Variants in THSD7B observed in about 807,000 individuals in gnomAD.
The protein encoded by THSD7B is thrombospondin type 1 domain containing 7B.
Under a neutral mutation model 213.6 loss-of-function variants are expected in THSD7B, and 138 were observed. The ratio of observed to expected loss-of-function variants is 0.65; its 90% confidence interval spans 0.56 to 0.74. The LOEUF is 0.74. Among genes scored for constraint, THSD7B ranks in the 30% least tolerant of loss-of-function variants. THSD7B has a pLI of 0.00. For missense variants in THSD7B, 1,931 were observed against 1,991.5 expected (o/e 0.97, Z 0.58); for synonymous variants, 742 against 687.0 (o/e 1.08, Z -1.25).
intron 14 of THSD7B, among the ~76,000 whole-genome samples, chr2:137,415,955 C>T (rs987677426): frequency 6.6e-6 from 1 of 151,868 alleles, no homozygotes; most frequent in Non-Finnish European, 1.5e-5. Context: ...TCCCTGCAGT[C>T]GATTATAAAG....
At chr2:136,963,555 G>C (rs1685261404) in intron 2 of THSD7B, among the ~76,000 whole-genome samples, 1 of 152,118 alleles carries the variant, frequency 6.6e-6, no homozygotes, top group Non-Finnish European at 1.5e-5. Flanking sequence ...GAGGCAGGAG[G>C]ATTGCCTGAG....
intron 14 of THSD7B, among the ~76,000 whole-genome samples, chr2:137,424,476 C>T (rs901992669): frequency 2.0e-5 from 3 of 152,028 alleles, no homozygotes; most frequent in Non-Finnish European, 2.9e-5. Flanking sequence ...ATGCAATAAT[C>T]CTCAACAAAA....
chr2:136,796,791 TTATC>T (rs1682073376), intron 1 of THSD7B, among the ~76,000 whole-genome samples: 1 of 151,966 alleles, frequency 6.6e-6, no homozygotes, highest in African/African-American at 2.4e-5. Flanking sequence ...AGTCATGAAT[TTATC>T]TTTCTCCTTA....
chr2:136,941,642 C>A (rs924806794), intron 2 of THSD7B, among the ~76,000 whole-genome samples: 1 of 152,184 alleles, frequency 6.6e-6, no homozygotes, highest in Non-Finnish European at 1.5e-5. Flanking sequence ...CTGTTGGCTG[C>A]ATAAATGTTT....
At chr2:137,590,143 A>G (rs1044622688) in intron 17 of THSD7B, among the ~76,000 whole-genome samples, 4 of 152,122 alleles carry the variant, frequency 2.6e-5, no homozygotes, top group African/African-American at 7.2e-5. Context: ...AGAACTCACA[A>G]TATTCTTTTG....
At chr2:137,076,105 T>C (rs1687616999) in intron 3 of THSD7B, among the ~76,000 whole-genome samples, 1 of 152,188 alleles carries the variant, frequency 6.6e-6, no homozygotes, top group Non-Finnish European at 1.5e-5. Flanking sequence ...CACTGCTCTC[T>C]TCAAAGCTGT....
intron 17 of THSD7B, among the ~76,000 whole-genome samples, chr2:137,602,802 A>G (rs1573737335): frequency 1.3e-5 from 2 of 152,104 alleles, no homozygotes; most frequent in East Asian, 3.9e-4. Flanking sequence ...CTCTCAACAC[A>G]GTTGCATTTG....
At chr2:136,973,802 G>A (rs562634780) in intron 2 of THSD7B, among the ~76,000 whole-genome samples, 5 of 152,314 alleles carry the variant, frequency 3.3e-5, no homozygotes, top group African/African-American at 1.2e-4. Flanking sequence ...GAACTCTGCT[G>A]TTTCGGAGAG....
At chr2:137,291,645 A>G (rs1045866274) in intron 12 of THSD7B, among the ~76,000 whole-genome samples, 1 of 152,188 alleles carries the variant, frequency 6.6e-6, no homozygotes, top group African/African-American at 2.4e-5. Context: ...GGAAAGGGGA[A>G]CTGTGCTTAT....
chr2:137,414,367 A>AG (rs1163529947), intron 14 of THSD7B, among the ~76,000 whole-genome samples: 2 of 152,028 alleles, frequency 1.3e-5, no homozygotes, highest in Non-Finnish European at 2.9e-5. Flanking sequence ...AGAAAAAAAA[A>AG]TCTTTTAATG....
At chr2:136,898,251 T>A (rs988935632) in intron 2 of THSD7B, among the ~76,000 whole-genome samples, 3 of 152,246 alleles carry the variant, frequency 2.0e-5, no homozygotes, top group African/African-American at 7.2e-5. Flanking sequence ...GTATAAGCCT[T>A]GTCCTTCTTT....
At chr2:136,921,459 CG>C (rs1298929202) in intron 2 of THSD7B, among the ~76,000 whole-genome samples, 1 of 10,852 alleles carries the variant, frequency 9.2e-5, no homozygotes, top group Admixed American at 1.9e-3. Flanking sequence ...ATATCATATG[CG>C]GGTTTTTTTT....
chr2:137,411,894 A>G lies in THSD7B; in HGVS notation c.2959+22A>G, dbSNP rs201482518. ...TCTGGTAAGGAGATGGATGGAGAGT[A>G]ACAGATGAGAACACTCACACACAGC... On this transcript the variant is annotated intron_variant, in intron 14 of 27. Coordinates refer to ENST00000409968, the MANE Select transcript of THSD7B (RefSeq NM_001316349.2). 1,308 of 1,612,304 alleles carry G rather than the reference A, an allele frequency of 8.1e-4. 5 individuals carry two copies. Among genetic ancestry groups the G allele is most frequent in the Middle Eastern group, 6.3e-3 (38 of 6,056 alleles).
chr2:137,675,315 T>TTTG (rs1553468966), intron 27 of THSD7B, among the ~76,000 whole-genome samples: 1 of 1,836 alleles, frequency 5.4e-4, no homozygotes, highest in Admixed American at 0.013. Flanking sequence ...AAAATCTTTG[T>TTTG]TTTTTACGTT....
chr2:137,007,608 G>C (rs958047609), intron 2 of THSD7B, among the ~76,000 whole-genome samples: 2 of 152,116 alleles, frequency 1.3e-5, no homozygotes, highest in Non-Finnish European at 2.9e-5. Flanking sequence ...GTCAGATCTT[G>C]AATTCTATAC....
At chr2:137,108,874 T>C (rs1688299501) in intron 4 of THSD7B, among the ~76,000 whole-genome samples, 1 of 152,076 alleles carries the variant, frequency 6.6e-6, no homozygotes, top group African/African-American at 2.4e-5. Flanking sequence ...AAAAATGAAA[T>C]TTCACAGCTA....
chr2:137,469,533 A>G (rs1688053571), intron 15 of THSD7B, among the ~76,000 whole-genome samples: 1 of 152,200 alleles, frequency 6.6e-6, no homozygotes, highest in South Asian at 2.1e-4. Flanking sequence ...TTAATCATCA[A>G]ATAAGTATTG....
At chr2:137,466,282 C>T (rs1687988921) in intron 15 of THSD7B, among the ~76,000 whole-genome samples, 1 of 152,098 alleles carries the variant, frequency 6.6e-6, no homozygotes, top group Admixed American at 6.6e-5. Flanking sequence ...ATTTATTCAT[C>T]ACACACTTAT....
At chr2:137,285,273 G>T (rs1041050076) in intron 12 of THSD7B, among the ~76,000 whole-genome samples, 4 of 151,920 alleles carry the variant, frequency 2.6e-5, no homozygotes, top group Non-Finnish European at 4.4e-5. Flanking sequence ...CTCCATCCCT[G>T]TATTTTGAGC....
Sources: allele counts gnomAD v4.1 joint callset (sites outside exome capture counted in the v4.1 genomes callset), GRCh38; gene constraint gnomAD v4.1.1; transcripts MANE v1.5; gene names NCBI Gene and HGNC (gene_info 2026-07-23, HGNC 2026-07-21).